Variants in TNNI3K observed in about 807,000 individuals in gnomAD.
The protein encoded by TNNI3K is serine/threonine-protein kinase TNNI3K.
In TNNI3K, 140 loss-of-function variants were observed where a neutral mutation model predicts 114.5. The ratio of observed to expected loss-of-function variants is 1.22; its 90% CI spans 1.07 to 1.41. The LOEUF (loss-of-function observed/expected upper bound fraction) is 1.41, where lower values mean the gene tolerates loss of function less well. Among genes scored for constraint, TNNI3K ranks in the 40% most tolerant of loss-of-function variants. TNNI3K has a pLI of 0.00. For synonymous variants in TNNI3K, 347 were observed against 347.5 expected, an observed-to-expected ratio of 1.00 and a Z score of 0.02; for missense variants, 1,125 against 1,007.6, an observed-to-expected ratio of 1.12 and a Z score of -1.58.
chr1:74,490,127 C>G (rs1668989040), intron 22 of TNNI3K, among the ~76,000 whole-genome samples: 1 of 147,988 alleles, frequency 6.8e-6, no homozygotes, highest in Non-Finnish European at 1.5e-5. Flanking sequence ...TTTGCAGTTA[C>G]AGCCTGCAGT....
At chr1:74,540,363 G>T in intron 24 of TNNI3K, 50 bp downstream of exon 24, 1 of 1,565,246 alleles carries the variant, frequency 6.4e-7, no homozygotes, top group Middle Eastern at 1.7e-4. Context: ...CCCTAGGAAG[G>T]TGATGTCTAT....
At chr1:74,247,915 T>C (rs905554280) in intron 2 of TNNI3K, among the ~76,000 whole-genome samples, 16 of 151,016 alleles carry the variant, frequency 1.1e-4, no homozygotes, top group Admixed American at 1.3e-4. Context: ...CCTCAGCCCT[T>C]GGGTGGTGGA....
chr1:74,426,769 C>T (rs2100646060), intron 17 of TNNI3K, among the ~76,000 whole-genome samples: 1 of 152,044 alleles, frequency 6.6e-6, no homozygotes, highest in Middle Eastern at 3.4e-3. Context: ...GAGAGTTATT[C>T]TTGGATCTGG....
chr1:74,399,621 A>T (rs1447398389), intron 17 of TNNI3K, among the ~76,000 whole-genome samples: 1 of 152,170 alleles, frequency 6.6e-6, no homozygotes, highest in African/African-American at 2.4e-5. Context: ...AGAGACTGGT[A>T]AAAGAATCCC....
At chr1:74,451,747 CT>C (rs374471718) in intron 20 of TNNI3K, among the ~76,000 whole-genome samples, 3,094 of 44,698 alleles carry the variant, frequency 0.069, 73 homozygotes, top group African/African-American at 0.092. Context: ...TTCTTTCTTT[CT>C]TTTCTTTTCT....
intron 21 of TNNI3K, among the ~76,000 whole-genome samples, chr1:74,479,727 C>T (rs1224491216): frequency 6.6e-6 from 1 of 152,196 alleles, no homozygotes; most frequent in African/African-American, 2.4e-5. Context: ...AATGTAAGTG[C>T]CTTGAGGAAA....
At chr1:74,477,583 CA>C (rs1159007510) in intron 21 of TNNI3K, among the ~76,000 whole-genome samples, 1 of 152,166 alleles carries the variant, frequency 6.6e-6, no homozygotes, top group Non-Finnish European at 1.5e-5. Context: ...AGACAAGAAT[CA>C]GCCACTGAAA....
At chr1:74,372,445 A>C (rs927685400) in intron 17 of TNNI3K, 2 of 151,884 alleles carry the variant, frequency 1.3e-5, no homozygotes, top group African/African-American at 4.8e-5. Context: ...TATTGAAAGT[A>C]AATGTAAATA....
At chr1:74,384,576 A>G (rs926532459) in intron 17 of TNNI3K, among the ~76,000 whole-genome samples, 1 of 152,098 alleles carries the variant, frequency 6.6e-6, no homozygotes, top group Non-Finnish European at 1.5e-5. Flanking sequence ...TTATTTTCTA[A>G]CCTGCAGCAT....
intron 21 of TNNI3K, among the ~76,000 whole-genome samples, chr1:74,487,068 G>C (rs150844882): frequency 6.6e-6 from 1 of 152,172 alleles, no homozygotes; most frequent in Non-Finnish European, 1.5e-5. Flanking sequence ...CAATTTTGCT[G>C]TAAAGTAAAC....
intron 17 of TNNI3K, among the ~76,000 whole-genome samples, chr1:74,381,758 G>A (rs1663214918): frequency 6.6e-6 from 1 of 152,198 alleles, no homozygotes; most frequent in African/African-American, 2.4e-5. Flanking sequence ...AAATGTAGCT[G>A]AGGGTTAGCA....
At chr1:74,348,504 C>A (rs1235080972) in intron 9 of TNNI3K, among the ~76,000 whole-genome samples, 3 of 152,090 alleles carry the variant, frequency 2.0e-5, no homozygotes, top group Non-Finnish European at 4.4e-5. Flanking sequence ...TCCATAAGAA[C>A]TTTAAAGTAG....
At chr1:74,246,057 C>CT (rs1654532174) in intron 2 of TNNI3K, among the ~76,000 whole-genome samples, 1 of 152,168 alleles carries the variant, frequency 6.6e-6, no homozygotes, top group Non-Finnish European at 1.5e-5. Context: ...AGCAATTTCC[C>CT]TCAGCTCAAA....
At chr1:74,502,280 C>T (rs530725908) in intron 23 of TNNI3K, among the ~76,000 whole-genome samples, 54 of 152,216 alleles carry the variant, frequency 3.5e-4, no homozygotes, top group Admixed American at 2.2e-3. Context: ...GAACAGTGCC[C>T]GGTACATGGT....
intron 17 of TNNI3K, among the ~76,000 whole-genome samples, chr1:74,413,009 T>A (rs1664958423): frequency 1.3e-5 from 2 of 152,192 alleles, no homozygotes; most frequent in South Asian, 2.1e-4. Flanking sequence ...TGAAAGATAG[T>A]CATTGTGGGT....
At position 74,353,282 on chromosome 1, in the gene TNNI3K, A is replaced by T; in HGVS notation, c.949A>T (p.Lys317Ter). The change falls in exon 10 of 25, where the codon AAG (lysine) becomes TAG (stop). Residue 317 changes from lysine to a stop codon, truncating the protein, a stop_gained. Transcript: ENST00000326637. LOFTEE classifies it high-confidence loss of function. ...TTTTTTCAGTGCTTGTACCTATGGC[A>T]AGAGCATTGACCTAGTCAAATTTCT... ...TAFHSACTYGKSIDLVKFLLD... is the reference protein window; with the variant it reads ...TAFHSACTYG The T allele has an allele frequency of 1.9e-6, 3 of 1,613,594 alleles. No homozygotes were observed. Among genetic ancestry groups the T allele is most frequent in the Non-Finnish European group, 2.5e-6 (3 of 1,179,860 alleles).
At chr1:74,250,644 T>C (rs763014463) in intron 3 of TNNI3K, 28 bp from the exon 4 acceptor site, 2 of 1,604,282 alleles carry the variant, frequency 1.2e-6, no homozygotes, top group Non-Finnish European at 8.5e-7. Context: ...CCACAATGAT[T>C]TAGCCTTTTT....
chr1:74,352,379 C>G lies in TNNI3K; in HGVS notation c.933-887C>G, dbSNP rs547391588. On this transcript the variant is annotated intron_variant, in intron 9 of 24. Transcript: ENST00000326637. Reference sequence around the variant, plus strand: ...CGTGTGAGGTGTCAGTCTGCCCCTACTGGGGGATGCCTCCCAGTTAGGCTA... The same window carrying G: ...CGTGTGAGGTGTCAGTCTGCCCCTAGTGGGGGATGCCTCCCAGTTAGGCTA... 1.3e-3 allele frequency among the ~76,000 whole-genome samples: 202 copies of G among 152,354 alleles called. 2 individuals carry two copies. The highest frequency in any genetic ancestry group is 3.5e-4 in the Non-Finnish European group (24 of 68,034).
At chr1:74,391,674 C>T (rs928761044) in intron 17 of TNNI3K, among the ~76,000 whole-genome samples, 3 of 152,042 alleles carry the variant, frequency 2.0e-5, no homozygotes, top group African/African-American at 7.2e-5. Context: ...AGAGTTTCAG[C>T]AAATGGATGT....
Sources: gnomAD v4.1 joint callset for allele counts (sites outside exome capture counted in the v4.1 genomes callset) on GRCh38, gnomAD v4.1.1 for gene constraint, MANE v1.5 for transcripts, NCBI Gene and HGNC (gene_info 2026-07-23, HGNC 2026-07-21) for gene names.